The following EPHA7 variants were observed in gnomAD, a reference collection of about 807,000 sequenced individuals.
EPHA7 encodes EPH receptor A7, also known as ephrin type-A receptor 7.
EPHA7 carries 25 observed loss-of-function variants against 112.6 expected under a neutral mutation model. The ratio of observed to expected loss-of-function variants is 0.22; its 90% CI spans 0.16 to 0.31. The LOEUF is 0.31. Ranked by LOEUF, EPHA7 falls within the 10% of genes least tolerant of loss-of-function variation. The pLI is 1.00. For missense variants in EPHA7, 962 were observed against 1,212.6 expected (o/e 0.79, Z 3.07); for synonymous variants, 437 against 406.5 (o/e 1.07, Z -0.90).
chr6:93,362,150 C>T (rs1368137534), intron 3 of EPHA7, among the ~76,000 whole-genome samples: 1 of 151,962 alleles, frequency 6.6e-6, no homozygotes, highest in African/African-American at 2.4e-5. Context: ...AGAGTTAAAA[C>T]CTGTAATCTT....
chr6:93,382,222 T>C (rs1023400066), intron 3 of EPHA7, among the ~76,000 whole-genome samples: 1 of 152,074 alleles, frequency 6.6e-6, no homozygotes, highest in East Asian at 1.9e-4. Context: ...TTTCCATAAA[T>C]GGGTGCCAGG....
At position 93,410,424 on chromosome 6, in the gene EPHA7, T is replaced by A; in HGVS notation, c.832+77A>T. 1 of 1,332,208 alleles carries A rather than the reference T, an allele frequency of 7.5e-7. No individual in the cohort carries two copies. Among genetic ancestry groups the A allele is most frequent in the Non-Finnish European group, 1.0e-6 (1 of 964,150 alleles). The allele number at this position is 1,332,208 out of a possible 1,614,324, so 82.5% of individuals were successfully genotyped here. The stretch of plus-strand genomic sequence containing the variant: ...TACAGAGCAGATTCACGTATTCAAA[T>A]AACTATTAAAGTTTAAAATGTCTGA... On this transcript the variant is annotated intron_variant, in intron 3 of 16. Transcript: ENST00000369303. The surrounding 1 kb of genome is among the most constrained non-coding windows in gnomAD (Gnocchi z 4.0).
chr6:93,308,347 T>C lies in EPHA7; in HGVS notation c.1325-35925A>G, dbSNP rs188971034. ...TAGATTACATTATACCAAAGGAAAA[T>C]ATATCTTATTATTTTTTGCTGTTAC... On this transcript the variant is annotated intron_variant, in intron 5 of 16. Transcript: ENST00000369303. 9.2e-5 allele frequency among the ~76,000 whole-genome samples: 14 copies of C among 152,186 alleles called. No homozygotes were observed. In the East Asian group the frequency reaches 2.5e-3, roughly 28 times the overall value.
At chr6:93,324,583 A>G (rs1774226310) in intron 5 of EPHA7, among the ~76,000 whole-genome samples, 1 of 151,424 alleles carries the variant, frequency 6.6e-6, no homozygotes, top group Non-Finnish European at 1.5e-5. Flanking sequence ...CCCTCTCAAC[A>G]TATGTATCCT....
At chr6:93,347,673 A>G (rs1694859171) in intron 5 of EPHA7, among the ~76,000 whole-genome samples, 1 of 151,872 alleles carries the variant, frequency 6.6e-6, no homozygotes, top group South Asian at 2.1e-4. Context: ...TAGAAGTCCC[A>G]AGTCAAGGTC....
chr6:93,341,827 T>C (rs1017281555), intron 5 of EPHA7, among the ~76,000 whole-genome samples: 18 of 152,018 alleles, frequency 1.2e-4, no homozygotes, highest in African/African-American at 3.9e-4. Context: ...AATATCATTT[T>C]CATGATTATA....
In EPHA7 at chr6:93,257,535, A is replaced by T; in HGVS notation, c.2111-12T>A. 6.2e-7 allele frequency: 1 copy of T among 1,600,586 alleles called. No homozygotes were observed. The highest frequency in any genetic ancestry group is 8.5e-7 in the Non-Finnish European group (1 of 1,173,720). ...CATGACTGGTTTCCCTAAAATTAAA[A>T]AAAAAAAGTTTCAGGAGTCGTAACC... is the stretch of plus-strand genomic sequence containing the variant. On this transcript the variant is annotated splice_polypyrimidine_tract_variant and intron_variant, in intron 11 of 16. Transcript: ENST00000369303.
chr6:93,252,814 T>TA (rs1770273854), intron 14 of EPHA7, among the ~76,000 whole-genome samples: 1 of 151,846 alleles, frequency 6.6e-6, no homozygotes, highest in African/African-American at 2.4e-5. Flanking sequence ...ATAAAAAAAT[T>TA]AAAGAATGTG....
At chr6:93,302,094 T>G (rs1405984788) in intron 5 of EPHA7, among the ~76,000 whole-genome samples, 1 of 152,152 alleles carries the variant, frequency 6.6e-6, no homozygotes, top group Non-Finnish European at 1.5e-5. Flanking sequence ...TAATTCTCCT[T>G]GCTCTTCTCT....
At chr6:93,396,391 T>C (rs1055258577) in intron 3 of EPHA7, among the ~76,000 whole-genome samples, 1 of 151,886 alleles carries the variant, frequency 6.6e-6, no homozygotes, top group African/African-American at 2.4e-5. Flanking sequence ...TTTTGCTTTT[T>C]ACTAGTGGCT....
intron 3 of EPHA7, among the ~76,000 whole-genome samples, chr6:93,399,424 G>A (rs951754548): frequency 5.3e-5 from 8 of 151,944 alleles, no homozygotes; most frequent in Non-Finnish European, 1.0e-4. Flanking sequence ...AATATTTAAA[G>A]ATTTTATTGA....
chr6:93,286,685 TG>T (rs1772081631), intron 5 of EPHA7, among the ~76,000 whole-genome samples: 1 of 152,208 alleles, frequency 6.6e-6, no homozygotes, highest in Non-Finnish European at 1.5e-5. Flanking sequence ...GTTTTTAAAC[TG>T]GGGCTTGGAA....
Position 93,412,721 on chromosome 6 carries a change from A to G in EPHA7, c.163-1551T>C, listed in dbSNP as rs905729808. On this transcript the variant is annotated intron_variant, in intron 2 of 16. Coordinates refer to ENST00000369303, the MANE Select transcript of EPHA7 (RefSeq NM_004440.4). ...TCTTAATTAGATTGAAATTGCTGAA[A>G]GAAGTAAAACTAGTAATGATATCTA... Among the ~76,000 whole-genome samples the G allele has an allele frequency of 5.9e-5, 9 of 152,176 alleles. No individual in the cohort carries two copies. The South Asian group carries it at 6.2e-4, about 11-fold the overall frequency.
chr6:93,412,608 C>G (rs1779031083), intron 2 of EPHA7, among the ~76,000 whole-genome samples: 1 of 152,066 alleles, frequency 6.6e-6, no homozygotes, highest in Non-Finnish European at 1.5e-5. Context: ...TGCCTAGCTT[C>G]CCTTTGTTTC....
intron 5 of EPHA7, among the ~76,000 whole-genome samples, chr6:93,334,557 T>C (rs1363278571): frequency 6.6e-6 from 1 of 151,966 alleles, no homozygotes; most frequent in Admixed American, 6.6e-5. Flanking sequence ...CTAAAGATAA[T>C]TCTCTAACCA....
At chr6:93,395,358 A>C (rs919124934) in intron 3 of EPHA7, among the ~76,000 whole-genome samples, 2 of 151,810 alleles carry the variant, frequency 1.3e-5, no homozygotes, top group African/African-American at 2.4e-5. Context: ...TATTAGTAGA[A>C]ACTGAATCTT....
At chr6:93,264,514 T>C in intron 8 of EPHA7, 80 bp downstream of exon 8, 2 of 818,454 alleles carry the variant, frequency 2.4e-6, no homozygotes, top group Non-Finnish European at 3.8e-6. Context: ...TAAAATTTTA[T>C]TACACTAAGT....
At position 93,327,078 on chromosome 6, in the gene EPHA7, G is replaced by A. The variant is rs1207028996; in HGVS notation, c.1324+29639C>T. Reference sequence around the variant, plus strand: ...TTGGAAGTGGCATGTGCCGAGCAGAGCTGAGTATCAGCCACCTTTACTCTA... The same window carrying A: ...TTGGAAGTGGCATGTGCCGAGCAGAACTGAGTATCAGCCACCTTTACTCTA... On this transcript the variant is annotated intron_variant, in intron 5 of 16. Coordinates refer to ENST00000369303, the MANE Select transcript of EPHA7 (RefSeq NM_004440.4). 2.0e-5 allele frequency among the ~76,000 whole-genome samples: 3 copies of A among 151,654 alleles called. 1 individual carries two copies. The highest frequency in any genetic ancestry group is 4.1e-4 in the South Asian group (2 of 4,830).
intron 5 of EPHA7, among the ~76,000 whole-genome samples, chr6:93,290,718 G>C (rs1457214237): frequency 6.6e-6 from 1 of 152,116 alleles, no homozygotes; most frequent in Non-Finnish European, 1.5e-5. Flanking sequence ...ATGTTTGCTT[G>C]CTGAGATGTG....
Sources: gnomAD v4.1 joint callset for allele counts (sites outside exome capture counted in the v4.1 genomes callset) on GRCh38, gnomAD v4.1.1 for gene constraint, Gnocchi (gnomAD v3.1) non-coding constraint, MANE v1.5 for transcripts, NCBI Gene and HGNC (gene_info 2026-07-23, HGNC 2026-07-21) for gene names.